TRIO: variants seen among roughly 807,000 people sequenced by gnomAD.
TRIO encodes trio Rho guanine nucleotide exchange factor.
TRIO carries 58 observed loss-of-function variants against 351.9 expected under a neutral mutation model. The observed-to-expected ratio is 0.16, with a 90% CI of 0.13 to 0.21. The LOEUF (loss-of-function observed/expected upper bound fraction) is 0.21, where lower values mean the gene tolerates loss of function less well. Ranked by LOEUF, TRIO falls within the 10% of genes least tolerant of loss-of-function variation. TRIO has a pLI of 1.00. For missense variants in TRIO, 3,201 were observed against 4,027.8 expected, an observed-to-expected ratio of 0.79 and a Z score of 5.56; for synonymous variants, 1,758 against 1,595.7, an observed-to-expected ratio of 1.10 and a Z score of -2.42.
intron 1 of TRIO, among the ~76,000 whole-genome samples, chr5:14,220,744 A>G (rs1310178746): frequency 3.9e-5 from 6 of 152,234 alleles, no homozygotes; most frequent in African/African-American, 1.4e-4. Flanking sequence ...GCAAATTCTG[A>G]TAGAGGTGAG....
chr5:14,366,737 C>T, intron 15 of TRIO, 123 bp from the exon 16 acceptor site: 1 of 1,400,792 alleles, frequency 7.1e-7, no homozygotes. Context: ...ATGATGAAGG[C>T]ATCAGTGCCT....
intron 48 of TRIO, chr5:14,490,729 A>G: frequency 2.2e-6 from 1 of 452,000 alleles, no homozygotes; most frequent in Non-Finnish European, 4.4e-6. Flanking sequence ...GGAGATGCCC[A>G]GAAAATACTA....
intron 31 of TRIO, among the ~76,000 whole-genome samples, chr5:14,403,710 G>T (rs1748415069): frequency 8.2e-6 from 1 of 122,496 alleles, no homozygotes; most frequent in Admixed American, 8.3e-5. Context: ...GTTGTGGTGA[G>T]GGTGTAGGTT....
At position 14,297,061 on chromosome 5, in the gene TRIO, C is replaced by A; in HGVS notation, c.1177-11C>A. 1 of 1,602,894 alleles carries A rather than the reference C, an allele frequency of 6.2e-7. No homozygotes were observed. The highest frequency in any genetic ancestry group is 8.5e-7 in the Non-Finnish European group (1 of 1,171,142). On this transcript the variant is annotated splice_polypyrimidine_tract_variant and intron_variant, in intron 6 of 56. Coordinates refer to ENST00000344204, the MANE Select transcript of TRIO (RefSeq NM_007118.4). ...CCCCTAAGGAGCCCTCTTTTCCTGC[C>A]CACTTTCCAGAACGTGTATGTAAAT...
intron 19 of TRIO, among the ~76,000 whole-genome samples, chr5:14,376,292 A>G (rs867411374): frequency 2.2e-4 from 33 of 152,202 alleles, no homozygotes; most frequent in South Asian, 1.2e-3. Flanking sequence ...TTTTTTTCTT[A>G]AGTTTTTTGT....
chr5:14,362,765 C>T (rs1215571934), intron 13 of TRIO, among the ~76,000 whole-genome samples: 1 of 152,170 alleles, frequency 6.6e-6, no homozygotes, highest in Non-Finnish European at 1.5e-5. Flanking sequence ...GAGGCCGGTT[C>T]AGGCACCATT....
chr5:14,153,108 C>T (rs1341194633), intron 1 of TRIO, among the ~76,000 whole-genome samples: 3 of 152,154 alleles, frequency 2.0e-5, no homozygotes. Context: ...AGCTGGAAGC[C>T]TTCGAAAGGC....
chr5:14,416,752 TC>T (rs1380147010), intron 33 of TRIO, among the ~76,000 whole-genome samples: 1 of 151,800 alleles, frequency 6.6e-6, no homozygotes, highest in Non-Finnish European at 1.5e-5. Context: ...TTCCCACCCT[TC>T]CCCCACCCGC....
intron 54 of TRIO, 87 bp from the exon 55 acceptor site, chr5:14,504,306 A>T (rs1296784941): frequency 1.0e-5 from 15 of 1,458,828 alleles, no homozygotes. Context: ...GGGCCACCAC[A>T]CAGCCAGTCC....
At chr5:14,361,910 G>A (rs887749814) in intron 13 of TRIO, among the ~76,000 whole-genome samples, 1 of 152,204 alleles carries the variant, frequency 6.6e-6, no homozygotes, top group Non-Finnish European at 1.5e-5. Context: ...CTGAGGTCAG[G>A]AGTTCGAGAC....
intron 28 of TRIO, among the ~76,000 whole-genome samples, chr5:14,396,284 A>T (rs1747569988): frequency 6.6e-6 from 1 of 151,790 alleles, no homozygotes; most frequent in Non-Finnish European, 1.5e-5. Context: ...TGCTGCGTGG[A>T]TTGGCTGGTC....
rs1280738734 is a variant in TRIO at position 14,291,112 on chromosome 5, A to G, written c.937A>G (p.Thr313Ala). 1 of 1,614,182 alleles carries G rather than the reference A, an allele frequency of 6.2e-7. No homozygotes were observed. Among genetic ancestry groups the G allele is most frequent in the East Asian group, 2.2e-5 (1 of 44,876 alleles). ...GCAGAACCTCTTGCCCAAGGTGTCCACCATGCTGGACCGGCTGCACTCGAC... is the reference window on the plus strand; with the variant it reads ...GCAGAACCTCTTGCCCAAGGTGTCCGCCATGCTGGACCGGCTGCACTCGAC... The part of the protein sequence containing the change: ...DLQNLLPKVS[T>A]MLDRLHSTRQ... The change falls in exon 5 of 57, where the codon ACC becomes GCC. Residue 313 changes from threonine to alanine, a missense_variant. By Grantham distance (58) the Thr-to-Ala change is moderately conservative. Around this residue, in one of 19 missense-constraint regions of TRIO, gnomAD observed 349 missense variants for 449.3 expected, o/e 0.78. Transcript: ENST00000344204.
chr5:14,144,901 A>T (rs1787406163), intron 1 of TRIO, among the ~76,000 whole-genome samples: 1 of 150,042 alleles, frequency 6.7e-6, no homozygotes, highest in South Asian at 2.1e-4. Context: ...CAGGAGGAGG[A>T]GGAGGCGGCG....
intron 16 of TRIO, among the ~76,000 whole-genome samples, chr5:14,368,207 T>C (rs1744768318): frequency 6.6e-6 from 1 of 152,244 alleles, no homozygotes; most frequent in African/African-American, 2.4e-5. Flanking sequence ...TGTTTCATTC[T>C]TAGCTTTTTG....
intron 1 of TRIO, among the ~76,000 whole-genome samples, chr5:14,188,828 C>T (rs1194771440): frequency 6.6e-6 from 1 of 152,056 alleles, no homozygotes; most frequent in African/African-American, 2.4e-5. Flanking sequence ...AGTTTCTTGC[C>T]TTTTAGCCTG....
chr5:14,419,948 G>C lies in TRIO; in HGVS notation c.5130G>C (p.Leu1710=), dbSNP rs1417469506. 1 of 1,614,206 alleles carries C rather than the reference G, an allele frequency of 6.2e-7. No homozygotes were observed. Among genetic ancestry groups the C allele is most frequent in the Non-Finnish European group, 8.5e-7 (1 of 1,180,010 alleles). ...TTDRSPAAEG[L]VPCGSLCIAH... ...ACCGCTCCCCAGCGGCAGAAGGCCT[G>C]GTCCCCTGTGGTTCACTGTGCATCG... The change falls in exon 34 of 57, where the codon CTG becomes CTC. Residue 1710 remains leucine (L), a synonymous_variant. Coordinates refer to ENST00000344204, the MANE Select transcript of TRIO (RefSeq NM_007118.4).
intron 37 of TRIO, among the ~76,000 whole-genome samples, chr5:14,468,198 C>T (rs1754414291): frequency 1.3e-5 from 2 of 152,196 alleles, no homozygotes; most frequent in Non-Finnish European, 2.9e-5. Context: ...GTGTTAATCT[C>T]CTTTTTCAAT....
In TRIO at chr5:14,485,071, G is replaced by C. The variant is rs377255423; in HGVS notation, c.6660G>C (p.Val2220=). 2.0e-6 allele frequency: 3 copies of C among 1,517,206 alleles called. No homozygotes were observed. In the African/African-American group the frequency reaches 4.2e-5, roughly 21 times the overall value. 94.0% of individuals were successfully genotyped at this position (1,517,206 alleles called of 1,614,324 possible). ...AATAATGTTTTTTTTTTTTTAAGGT[G>C]AGTTGCCTTTGCCTGGAGGAAAATG... ...PGFLFKNSIK[V]SCLCLEENVE... is the part of the protein sequence containing the mutation. Residue 2220 remains valine (V), a splice_region_variant and synonymous_variant, in exon 47 of 57, where the codon GTG becomes GTC. Transcript: ENST00000344204.
chr5:14,418,623 G>T lies in TRIO; in HGVS notation c.4960-1155G>T, dbSNP rs1749846671. Among the ~76,000 whole-genome samples, 3 of 152,168 alleles carry T rather than the reference G, an allele frequency of 2.0e-5. No homozygotes were observed. The South Asian group carries it at 6.2e-4, about 32-fold the overall frequency. ...TCCCAGACTCTGCATTGCGGGGACA[G>T]GGAAGCATCCAGTTGCCCAGCAGGG... On this transcript the variant is annotated intron_variant, in intron 33 of 56. Coordinates refer to ENST00000344204, the MANE Select transcript of TRIO (RefSeq NM_007118.4).
Sources: allele counts gnomAD v4.1 joint callset (sites outside exome capture counted in the v4.1 genomes callset), GRCh38; gene constraint gnomAD v4.1.1; regional missense constraint gnomAD v4.1.1; transcripts MANE v1.5; gene names NCBI Gene and HGNC (gene_info 2026-07-23, HGNC 2026-07-21).